The following CTNNA3 variants were observed in gnomAD, a reference collection of about 807,000 sequenced individuals.
CTNNA3 encodes the protein catenin alpha 3.
In CTNNA3, 76 loss-of-function variants were observed where a neutral mutation model predicts 95.7. The observed-to-expected ratio is 0.79, with a 90% CI of 0.66 to 0.96. The LOEUF (loss-of-function observed/expected upper bound fraction) is 0.96. Ranked by LOEUF, CTNNA3 falls within the 40% of genes least tolerant of loss-of-function variation. CTNNA3 has a pLI of 0.00. For missense variants in CTNNA3, 1,191 were observed against 1,089.8 expected (o/e 1.09, Z -1.31); for synonymous variants, 431 against 374.4 (o/e 1.15, Z -1.74).
intron 5 of CTNNA3, among the ~76,000 whole-genome samples, chr10:67,376,245 G>A (rs915805871): frequency 1.3e-5 from 2 of 152,132 alleles, no homozygotes; most frequent in African/African-American, 4.8e-5. Flanking sequence ...ACACCTTAGG[G>A]GACAGAACTA....
intron 7 of CTNNA3, among the ~76,000 whole-genome samples, chr10:66,825,939 T>G (rs1432760541): frequency 1.3e-5 from 2 of 152,170 alleles, no homozygotes; most frequent in Admixed American, 1.3e-4. Flanking sequence ...TTCTCTGAAT[T>G]CCTACTGTCT....
intron 13 of CTNNA3, among the ~76,000 whole-genome samples, chr10:66,213,854 C>T (rs1266776246): frequency 6.6e-6 from 1 of 152,142 alleles, no homozygotes; most frequent in Non-Finnish European, 1.5e-5. Context: ...TGGCCCCTAG[C>T]CATACCTGAA....
chr10:66,689,729 G>A (rs1847446546), intron 9 of CTNNA3, among the ~76,000 whole-genome samples: 1 of 151,954 alleles, frequency 6.6e-6, no homozygotes, highest in Non-Finnish European at 1.5e-5. Flanking sequence ...AATAACAAGT[G>A]GATTCAATAA....
intron 2 of CTNNA3, among the ~76,000 whole-genome samples, chr10:67,640,244 C>A (rs577235754): frequency 0.018 from 2,812 of 152,228 alleles, 91 homozygotes; most frequent in African/African-American, 0.064. Context: ...TGAGTGAACT[C>A]CCATTCACAA....
In CTNNA3 at chr10:66,028,771, G is replaced by A. The variant is rs564644561; in HGVS notation, c.2160-39974C>T. On this transcript the variant is annotated intron_variant, in intron 15 of 17. Coordinates refer to ENST00000433211, the MANE Select transcript of CTNNA3 (RefSeq NM_013266.4). ...TAAAAAAAAGGGAAAATGACTATTG[G>A]GGAAGCAGAGATTACTCAAAGAAAA... 2.6e-5 allele frequency among the ~76,000 whole-genome samples: 4 copies of A among 152,114 alleles called. No homozygotes were observed. The South Asian group carries it at 6.2e-4, about 24-fold the overall frequency.
chr10:66,511,086 T>C (rs549940956), intron 11 of CTNNA3, among the ~76,000 whole-genome samples: 2 of 151,944 alleles, frequency 1.3e-5, no homozygotes, highest in Admixed American at 6.6e-5. Flanking sequence ...GTCTGTTTGA[T>C]TCTGTTCATT....
At chr10:67,687,420 C>T (rs913005157) in intron 1 of CTNNA3, among the ~76,000 whole-genome samples, 2 of 152,144 alleles carry the variant, frequency 1.3e-5, no homozygotes, top group African/African-American at 4.8e-5. Context: ...TCCTTGCAAA[C>T]CATACTGAAT....
At chr10:66,516,580 G>A (rs1384853686) in intron 11 of CTNNA3, among the ~76,000 whole-genome samples, 1 of 152,104 alleles carries the variant, frequency 6.6e-6, no homozygotes, top group Admixed American at 6.5e-5. Flanking sequence ...AAAGGTGGGG[G>A]TATTTATGCC....
rs1010052225 is a variant in CTNNA3 at position 65,916,879 on chromosome 10, C to T, written c.*3451G>A. 1 of 152,168 alleles carries T rather than the reference C, an allele frequency of 6.6e-6. No individual in the cohort carries two copies. The highest frequency in any genetic ancestry group is 1.5e-5 in the Non-Finnish European group (1 of 68,028). 9.4% of individuals were successfully genotyped at this position (152,168 alleles called of 1,614,324 possible). Reference sequence around the variant, plus strand: ...AAGGTTCAGGAAGCCGTTGAAGTCACTTACTCTGTTGTTACACATTAGGCT... The same window carrying T: ...AAGGTTCAGGAAGCCGTTGAAGTCATTTACTCTGTTGTTACACATTAGGCT... On this transcript the variant is annotated 3_prime_UTR_variant, in exon 18 of 18. Coordinates refer to ENST00000433211, the MANE Select transcript of CTNNA3 (RefSeq NM_013266.4).
Position 66,732,952 on chromosome 10 carries a change from C to T in CTNNA3, c.1281+33312G>A, listed in dbSNP as rs369485968. Among the ~76,000 whole-genome samples, 90 of 152,100 alleles carry T rather than the reference C, an allele frequency of 5.9e-4. 1 individual carries two copies. In the South Asian group the frequency reaches 0.011, roughly 18 times the overall value. On this transcript the variant is annotated intron_variant, in intron 9 of 17. Transcript: ENST00000433211. ...CTGGGATTACAGGCACCAGCCACCG[C>T]GCCCAGCTGATTTTTGGATTTTTAG...
At chr10:67,425,471 G>A (rs573803767) in intron 5 of CTNNA3, among the ~76,000 whole-genome samples, 2 of 152,038 alleles carry the variant, frequency 1.3e-5, no homozygotes, top group African/African-American at 4.8e-5. Context: ...AAAGAATATA[G>A]TACATTCTTG....
At chr10:66,189,306 G>T (rs1260190123) in intron 13 of CTNNA3, among the ~76,000 whole-genome samples, 2 of 148,622 alleles carry the variant, frequency 1.3e-5, no homozygotes, top group Admixed American at 6.7e-5. Context: ...TAAGACCAAT[G>T]TCAAGGAGCA....
intron 7 of CTNNA3, among the ~76,000 whole-genome samples, chr10:66,805,136 C>T (rs1841589155): frequency 6.6e-6 from 1 of 152,080 alleles, no homozygotes; most frequent in African/African-American, 2.4e-5. Context: ...AGGAATTAAA[C>T]ATGTCCTGTA....
intron 5 of CTNNA3, among the ~76,000 whole-genome samples, chr10:67,314,082 C>T (rs931564328): frequency 3.9e-5 from 6 of 152,160 alleles, no homozygotes; most frequent in Non-Finnish European, 1.5e-5. Context: ...AGTATTTGGG[C>T]TTCTACTGAA....
chr10:66,717,958 CA>C (rs1309475243), intron 9 of CTNNA3, among the ~76,000 whole-genome samples: 2 of 152,098 alleles, frequency 1.3e-5, no homozygotes, highest in Non-Finnish European at 2.9e-5. Context: ...ATCCTTTTAA[CA>C]GTGAAAATTG....
intron 10 of CTNNA3, among the ~76,000 whole-genome samples, chr10:66,555,323 A>G (rs1461973951): frequency 6.6e-6 from 1 of 152,180 alleles, no homozygotes; most frequent in Non-Finnish European, 1.5e-5. Flanking sequence ...TGCTTCTTCC[A>G]GAACTGCAAA....
chr10:67,544,984 G>A (rs909225065), intron 3 of CTNNA3, among the ~76,000 whole-genome samples: 1 of 152,110 alleles, frequency 6.6e-6, no homozygotes, highest in African/African-American at 2.4e-5. Context: ...GTCACTGAGC[G>A]CTGCACCATT....
At chr10:67,440,648 A>C (rs530009552) in intron 5 of CTNNA3, among the ~76,000 whole-genome samples, 63 of 152,242 alleles carry the variant, frequency 4.1e-4, no homozygotes, top group African/African-American at 1.5e-3. Flanking sequence ...GAGAAGGTCC[A>C]TTTGTTTGAG....
intron 7 of CTNNA3, among the ~76,000 whole-genome samples, chr10:66,814,636 C>T (rs1176660763): frequency 6.6e-6 from 1 of 151,964 alleles, no homozygotes; most frequent in Non-Finnish European, 1.5e-5. Context: ...CTAGCACGTG[C>T]ACCCGTACTC....
Sources: allele counts gnomAD v4.1 joint callset (sites outside exome capture counted in the v4.1 genomes callset), GRCh38; gene constraint gnomAD v4.1.1; transcripts MANE v1.5; gene names NCBI Gene and HGNC (gene_info 2026-07-23, HGNC 2026-07-21).